Variants in CDK3 observed in about 807,000 individuals in gnomAD.
CDK3 encodes the protein cyclin-dependent kinase 3.
CDK3 carries 24 observed loss-of-function variants against 30.2 expected under a neutral mutation model. The observed-to-expected ratio is 0.79, with a 90% CI of 0.57 to 1.12. CDK3 has a LOEUF of 1.12. Among genes scored for constraint, CDK3 ranks in the 50% most tolerant of loss-of-function variants. CDK3 has a pLI of 0.00. For synonymous variants in CDK3, 158 were observed against 154.2 expected, an observed-to-expected ratio of 1.02 and a Z score of -0.18; for missense variants, 345 against 376.0, an observed-to-expected ratio of 0.92 and a Z score of 0.68.
At position 76,005,664 on chromosome 17, in the gene CDK3, C is replaced by T. The variant is rs1015325559; in HGVS notation, c.*241C>T. The T allele has an allele frequency of 4.4e-5, 19 of 433,758 alleles. No homozygotes were observed. Among genetic ancestry groups the T allele is most frequent in the African/African-American group, 2.6e-4 (13 of 49,494 alleles). 26.9% of individuals were successfully genotyped at this position (433,758 alleles called of 1,614,324 possible). On this transcript the variant is annotated 3_prime_UTR_variant, in exon 8 of 8. Transcript: ENST00000448471. This position sits in a 1 kb window ranked among gnomAD's most constrained non-coding sequence, Gnocchi z 4.7. Reference sequence around the variant, plus strand: ...AGATGCTCCATGCACGAGGGGTCCCCGGGCACTGGAACAAGTGCCAAGTTG... The same window carrying T: ...AGATGCTCCATGCACGAGGGGTCCCTGGGCACTGGAACAAGTGCCAAGTTG...
chr17:76,004,223 T>TTTTTTTTTTG (rs1206614880), intron 7 of CDK3, among the ~76,000 whole-genome samples: 1 of 139,078 alleles, frequency 7.2e-6, no homozygotes, highest in African/African-American at 2.8e-5. Flanking sequence ...CCGTCTGTTT[T>TTTTTTTTTTG]TTTTTTTTTT....
In CDK3 at chr17:76,005,423, A is replaced by C; in HGVS notation, c.918A>C (p.Ter306CysextTer48). 6.2e-7 allele frequency: 1 copy of C among 1,612,484 alleles called. No homozygotes were observed. The highest frequency in any genetic ancestry group is 2.2e-5 in the East Asian group (1 of 44,828). The change falls in exon 8 of 8, where the codon TGA becomes TGC. Residue 306 changes from the stop codon to cysteine (C), a stop_lost. Coordinates refer to ENST00000448471, the MANE Select transcript of CDK3 (RefSeq NM_001258.4). This position sits in a 1 kb window ranked among gnomAD's most constrained non-coding sequence, Gnocchi z 4.7. Reference protein sequence around the residue: ...RQYVLQRFRH* With the variant: ...RQYVLQRFRHC ...ATGTGCTGCAGCGATTCCGCCATTG[A>C]GAATGTCAAGGCCACACTCAGATCC...
chr17:76,003,159 G>T, intron 6 of CDK3, 36 bp from the exon 7 acceptor site: 1 of 1,575,110 alleles, frequency 6.3e-7, no homozygotes, highest in South Asian at 1.1e-5. Flanking sequence ...ATAACAAAGT[G>T]GCGGACCCCA....
chr17:76,003,452 C>T lies in CDK3; in HGVS notation c.792+54C>T, dbSNP rs1322140531. On this transcript the variant is annotated intron_variant, in intron 7 of 7. Transcript: ENST00000448471. ...TCCGACTACAGTTTCCCCTCATCAG[C>T]CAGCCTCTTACATAACCCTGGCACT... 2.7e-6 allele frequency: 4 copies of T among 1,475,808 alleles called. No homozygotes were observed. The African/African-American group carries it at 4.2e-5, about 15-fold the overall frequency. The allele number at this position is 1,475,808 out of a possible 1,614,324, so 91.4% of individuals were successfully genotyped here.
In CDK3 at chr17:76,002,341, G is replaced by A; in HGVS notation, c.409G>A (p.Glu137Lys). Reference protein sequence around the residue: ...DLKPQNLLINELGAIKLADFG... With the variant: ...DLKPQNLLINKLGAIKLADFG... ...GAAGCCCCAGAACCTGCTCATCAATGAGTTGGGTGCCATCAAGCTGGCTGA... is the reference window on the plus strand; with the variant it reads ...GAAGCCCCAGAACCTGCTCATCAATAAGTTGGGTGCCATCAAGCTGGCTGA... The change falls in exon 5 of 8, where the codon GAG (glutamate) becomes AAG (lysine). Residue 137 changes from glutamate to lysine, a missense_variant. Coordinates refer to ENST00000448471, the MANE Select transcript of CDK3 (RefSeq NM_001258.4). The surrounding 1 kb of genome is among the most constrained non-coding windows in gnomAD (Gnocchi z 4.3). 6.2e-7 allele frequency: 1 copy of A among 1,612,990 alleles called. No individual in the cohort carries two copies. The highest frequency in any genetic ancestry group is 2.2e-5 in the East Asian group (1 of 44,860).
At position 76,002,047 on chromosome 17, in the gene CDK3, A is replaced by T; in HGVS notation, c.220A>T (p.Arg74Trp). The change falls in exon 4 of 8, where the codon AGG becomes TGG. Residue 74 changes from arginine (R) to tryptophan (W), a missense_variant. Transcript: ENST00000448471. This position sits in a 1 kb window ranked among gnomAD's most constrained non-coding sequence, Gnocchi z 4.3. ...VRLLDVVHNERKLYLVFEFLS... is the reference protein window; with the variant it reads ...VRLLDVVHNEWKLYLVFEFLS... ...ACTGCTGGACGTGGTGCACAACGAG[A>T]GGAAGCTCTATCTGGTGTTTGAGTT... The T allele has an allele frequency of 6.2e-7, 1 of 1,614,046 alleles. No homozygotes were observed. The highest frequency in any genetic ancestry group is 8.5e-7 in the Non-Finnish European group (1 of 1,179,992).
rs747891051 is a variant in CDK3 at position 76,002,092 on chromosome 17, A to T, written c.265A>T (p.Lys89Ter). 1.9e-5 allele frequency: 31 copies of T among 1,613,814 alleles called. No individual in the cohort carries two copies. Among genetic ancestry groups the T allele is most frequent in the Non-Finnish European group, 2.5e-5 (30 of 1,179,970 alleles). The change falls in exon 4 of 8, where the codon AAG becomes TAG. Residue 89 changes from lysine (K) to a stop codon, truncating the protein, a stop_gained. Transcript: ENST00000448471. LOFTEE classifies it high-confidence loss of function. This position sits in a 1 kb window ranked among gnomAD's most constrained non-coding sequence, Gnocchi z 4.3. ...VFEFLSQDLK[K>*]YMDSTPGSEL... ...TGAGTTCCTCAGCCAGGACCTGAAG[A>T]AGTACATGGACTCCACCCCAGGCTC...
At chr17:76,003,112 C>G (rs2066276760) in intron 6 of CDK3, 83 bp from the exon 7 acceptor site, 4 of 1,138,360 alleles carry the variant, frequency 3.5e-6, no homozygotes, top group East Asian at 2.3e-5. Context: ...ACAGGCCTCT[C>G]CCTGGGTCTG....
At chr17:76,004,217 C>CTTTTTTTTTT (rs1305283662) in intron 7 of CDK3, among the ~76,000 whole-genome samples, 12 of 30,438 alleles carry the variant, frequency 3.9e-4, no homozygotes, top group African/African-American at 1.3e-3. Context: ...GCAGAACCGT[C>CTTTTTTTTTT]TGTTTTTTTT....
At position 76,002,022 on chromosome 17, in the gene CDK3, A is replaced by G; in HGVS notation, c.195A>G (p.Arg65=). Residue 65 remains arginine, a splice_region_variant and synonymous_variant, in exon 4 of 8, where the codon CGA becomes CGG. Coordinates refer to ENST00000448471, the MANE Select transcript of CDK3 (RefSeq NM_001258.4). This position sits in a 1 kb window ranked among gnomAD's most constrained non-coding sequence, Gnocchi z 4.3. ...LKELKHPNIV[R]LLDVVHNERK... is the part of the protein sequence containing the mutation. Reference sequence around the variant, plus strand: ...ATCCTGACTGCCATCTCCCTGTCAGACTGCTGGACGTGGTGCACAACGAGA... The same window carrying G: ...ATCCTGACTGCCATCTCCCTGTCAGGCTGCTGGACGTGGTGCACAACGAGA... 1 of 1,614,050 alleles carries G rather than the reference A, an allele frequency of 6.2e-7. No individual in the cohort carries two copies. The highest frequency in any genetic ancestry group is 8.5e-7 in the Non-Finnish European group (1 of 1,179,996).
In CDK3 at chr17:76,003,366, A is replaced by C; in HGVS notation, c.760A>C (p.Asn254His). The C allele has an allele frequency of 1.2e-6, 2 of 1,613,850 alleles. No homozygotes were observed. The highest frequency in any genetic ancestry group is 2.2e-5 in the South Asian group (2 of 91,064). The change falls in exon 7 of 8, where the codon AAT becomes CAT. Residue 254 changes from asparagine to histidine, a missense_variant. Physicochemically the swap from Asn to His is moderately conservative, Grantham distance 68. Coordinates refer to ENST00000448471, the MANE Select transcript of CDK3 (RefSeq NM_001258.4). ...GAAGGGACTGGAAGAGATTGTGCCC[A>C]ATCTGGAGCCAGAGGGCAGGGACCT... ...TRKGLEEIVP[N>H]LEPEGRDLLM...
chr17:76,001,361 C>A lies in CDK3; in HGVS notation c.-14-51C>A, dbSNP rs1444767020. The stretch of plus-strand genomic sequence containing the variant: ...CGCCACATGGAAGCTGGAGGAGCAA[C>A]GGGAGCGCTGGGCGTGGGGTGCAAA... On this transcript the variant is annotated intron_variant, in intron 1 of 7. Transcript: ENST00000448471. This position sits in a 1 kb window ranked among gnomAD's most constrained non-coding sequence, Gnocchi z 6.2. The A allele has an allele frequency of 6.2e-7, 1 of 1,608,908 alleles. No homozygotes were observed.
Position 76,001,600 on chromosome 17 carries a change from C to T in CDK3, c.116+59C>T. 7.1e-7 allele frequency: 1 copy of T among 1,410,636 alleles called. No individual in the cohort carries two copies. The highest frequency in any genetic ancestry group is 1.2e-5 in the South Asian group (1 of 82,388). The allele number at this position is 1,410,636 out of a possible 1,614,324, so 87.4% of individuals were successfully genotyped here. On this transcript the variant is annotated intron_variant, in intron 2 of 7. Coordinates refer to ENST00000448471, the MANE Select transcript of CDK3 (RefSeq NM_001258.4). The surrounding 1 kb of genome is among the most constrained non-coding windows in gnomAD (Gnocchi z 6.2). ...CTGGGCCATCACAACCTGGGCGCTCCCTGATCCGTTCCCTCTTTCCTGGAG... is the reference window on the plus strand; with the variant it reads ...CTGGGCCATCACAACCTGGGCGCTCTCTGATCCGTTCCCTCTTTCCTGGAG...
In CDK3 at chr17:76,001,771, G is replaced by T; in HGVS notation, c.117-103G>T. 8.7e-7 allele frequency: 1 copy of T among 1,154,752 alleles called. No homozygotes were observed. 71.5% of individuals were successfully genotyped at this position (1,154,752 alleles called of 1,614,324 possible). ...AGGAGCACAGGTCTCCATTGCCGGG[G>T]CCCTGGTCATTCTGTGGGGTTAAGG... On this transcript the variant is annotated intron_variant, in intron 2 of 7. Coordinates refer to ENST00000448471, the MANE Select transcript of CDK3 (RefSeq NM_001258.4). The surrounding 1 kb of genome is among the most constrained non-coding windows in gnomAD (Gnocchi z 6.2).
At position 76,002,356 on chromosome 17, in the gene CDK3, A is replaced by C; in HGVS notation, c.424A>C (p.Lys142Gln). 1.9e-6 allele frequency: 3 copies of C among 1,612,808 alleles called. No homozygotes were observed. The highest frequency in any genetic ancestry group is 1.7e-6 in the Non-Finnish European group (2 of 1,179,976). The change falls in exon 5 of 8, where the codon AAG (lysine) becomes CAG (glutamine). Residue 142 changes from lysine (K) to glutamine (Q), a missense_variant. By Grantham distance (53) the Lys-to-Gln change is moderately conservative. Transcript: ENST00000448471. The surrounding 1 kb of genome is among the most constrained non-coding windows in gnomAD (Gnocchi z 4.3). ...NLLINELGAI[K>Q]LADFGLARAF... ...GCTCATCAATGAGTTGGGTGCCATC[A>C]AGCTGGCTGACTTCGGCCTGGCTCG...
rs1425873060 is a variant in CDK3, at chr17:76,005,621, G to A, written c.*198G>A. 6 of 602,266 alleles carry A rather than the reference G, an allele frequency of 1.0e-5. No individual in the cohort carries two copies. Among genetic ancestry groups the A allele is most frequent in the South Asian group, 9.0e-5 (4 of 44,356 alleles). The allele number at this position is 602,266 out of a possible 1,614,324, so 37.3% of individuals were successfully genotyped here. On this transcript the variant is annotated 3_prime_UTR_variant, in exon 8 of 8. Transcript: ENST00000448471. The surrounding 1 kb of genome is among the most constrained non-coding windows in gnomAD (Gnocchi z 4.7). ...GTTGTTTTTTGGGTTGGACGGTGCC[G>A]TTTCAAAATAGAGGCACAGATGCTC... is the stretch of plus-strand genomic sequence containing the variant.
At position 76,002,907 on chromosome 17, in the gene CDK3, G is replaced by C. The variant is rs936659320; in HGVS notation, c.589-288G>C. 6.4e-5 allele frequency: 35 copies of C among 543,040 alleles called. No homozygotes were observed. The highest frequency in any genetic ancestry group is 9.6e-5 in the Non-Finnish European group (29 of 302,964). The allele number at this position is 543,040 out of a possible 1,614,324, so 33.6% of individuals were successfully genotyped here. A position where few individuals can be genotyped will look rare whatever the true frequency, so the allele number is the denominator to read the frequency against. On this transcript the variant is annotated intron_variant, in intron 6 of 7. Transcript: ENST00000448471. This position sits in a 1 kb window ranked among gnomAD's most constrained non-coding sequence, Gnocchi z 4.3. ...CCAGCTACTTGGGAGGTTGAGGCAG[G>C]AGGATTGCTTGAGCCTGTGGTTGAG...
At chr17:76,003,161 C>A in intron 6 of CDK3, 34 bp from the exon 7 acceptor site, 1 of 1,580,678 alleles carries the variant, frequency 6.3e-7, no homozygotes, top group Non-Finnish European at 8.7e-7. Flanking sequence ...AACAAAGTGG[C>A]GGACCCCACA....
rs746058055 is a variant in CDK3 at position 76,002,254 on chromosome 17, C to G, written c.322C>G (p.Leu108Val). ...ELPLHLIKSY[L>V]FQLLQGVSFC... ...CTCGCGCTCGTTTCTCCAGAGCTAC[C>G]TCTTCCAGCTGCTGCAGGGGGTGAG... The change falls in exon 5 of 8, where the codon CTC becomes GTC. Residue 108 changes from leucine to valine, a missense_variant. By Grantham distance (32) the Leu-to-Val change is conservative. Coordinates refer to ENST00000448471, the MANE Select transcript of CDK3 (RefSeq NM_001258.4). This position sits in a 1 kb window ranked among gnomAD's most constrained non-coding sequence, Gnocchi z 4.3. The G allele has an allele frequency of 9.9e-6, 16 of 1,612,072 alleles. No individual in the cohort carries two copies. The highest frequency in any genetic ancestry group is 1.7e-4 in the Middle Eastern group (1 of 6,060).
Sources: allele counts gnomAD v4.1 joint callset (sites outside exome capture counted in the v4.1 genomes callset), GRCh38; gene constraint gnomAD v4.1.1; non-coding constraint Gnocchi (gnomAD v3.1); transcripts MANE v1.5; gene names NCBI Gene and HGNC (gene_info 2026-07-23, HGNC 2026-07-21).